The following DIAPH2 variants were observed in gnomAD, a reference collection of about 807,000 sequenced individuals.
The protein encoded by DIAPH2 is protein diaphanous homolog 2.
DIAPH2 carries 35 observed loss-of-function variants against 92.7 expected under a neutral mutation model. The observed-to-expected ratio is 0.38, with a 90% CI of 0.29 to 0.50. DIAPH2 has a LOEUF of 0.50. DIAPH2 is among the 20% of genes least tolerant of loss of function. The probability of loss-of-function intolerance (pLI) is 0.94; values close to 1 mark genes in which losing one functional copy is unlikely to be tolerated. For synonymous variants in DIAPH2, 301 were observed against 280.4 expected (o/e 1.07, Z -0.73); for missense variants, 701 against 819.5 (o/e 0.86, Z 1.77).
chrX:97,333,682 A>G (rs1469891792), intron 23 of DIAPH2, among the ~76,000 whole-genome samples: 2 of 109,830 alleles, frequency 1.8e-5, no homozygotes, highest in African/African-American at 6.6e-5. Flanking sequence ...CTCCTGCCTC[A>G]GCCTCCTGAG....
intron 4 of DIAPH2, among the ~76,000 whole-genome samples, chrX:96,852,544 G>A (rs1157890828): frequency 9.0e-6 from 1 of 111,713 alleles, no homozygotes; most frequent in African/African-American, 3.3e-5. Context: ...AGCACTCTCT[G>A]TTGAGAGAAA....
chrX:97,552,865 G>C (rs774681359), intron 26 of DIAPH2, among the ~76,000 whole-genome samples: 263 of 111,601 alleles, frequency 2.4e-3, no homozygotes, highest in Non-Finnish European at 4.4e-3. Context: ...AATTCTGGAG[G>C]CTAGAAGTCC....
chrX:97,192,473 A>G (rs1225899899), intron 22 of DIAPH2, among the ~76,000 whole-genome samples: 1 of 110,826 alleles, frequency 9.0e-6, no homozygotes, highest in Non-Finnish European at 1.9e-5. Context: ...GAGCCATAGA[A>G]TGTAAGAGCT....
At chrX:97,484,503 C>A (rs1169771051) in intron 26 of DIAPH2, among the ~76,000 whole-genome samples, 1 of 111,940 alleles carries the variant, frequency 8.9e-6, no homozygotes, top group Non-Finnish European at 1.9e-5. Context: ...GAAATAGGTT[C>A]TTTTCTATGG....
chrX:96,902,334 T>C (rs1465535184), intron 5 of DIAPH2, among the ~76,000 whole-genome samples: 1 of 112,054 alleles, frequency 8.9e-6, no homozygotes, highest in African/African-American at 3.2e-5. Context: ...CTATTGTTTC[T>C]TTGTTGACTT....
intron 22 of DIAPH2, among the ~76,000 whole-genome samples, chrX:97,213,347 A>G (rs2067856624): frequency 9.0e-6 from 1 of 111,612 alleles, no homozygotes; most frequent in Non-Finnish European, 1.9e-5. Flanking sequence ...TATGCTATTC[A>G]TCATAGCCTC....
chrX:96,852,675 A>G (rs746075041), intron 4 of DIAPH2, among the ~76,000 whole-genome samples: 2 of 111,442 alleles, frequency 1.8e-5, no homozygotes, highest in Non-Finnish European at 3.8e-5. Flanking sequence ...TCCAAAGCTT[A>G]GAGCTCTGAC....
At chrX:97,271,085 G>A (rs1362175346) in intron 23 of DIAPH2, among the ~76,000 whole-genome samples, 2 of 110,729 alleles carry the variant, frequency 1.8e-5, no homozygotes, top group Non-Finnish European at 3.8e-5. Context: ...ATTATTGCCT[G>A]CACTTATTTA....
In DIAPH2 at chrX:97,405,959, A is replaced by T. The variant is rs1401309786; in HGVS notation, c.3145+21915A>T. 2.7e-5 allele frequency among the ~76,000 whole-genome samples: 3 copies of T among 111,601 alleles called. No individual in the cohort carries two copies. The South Asian group carries it at 1.1e-3, about 42-fold the overall frequency. On this transcript the variant is annotated intron_variant, in intron 25 of 26. Coordinates refer to ENST00000324765, the MANE Select transcript of DIAPH2 (RefSeq NM_006729.5). ...TGTTGGCATTGAAAGAGAACTCTTA[A>T]ATAGGAAAACCCTCTCCCTGGGCAT...
At chrX:97,174,946 T>C (rs1381069741) in intron 22 of DIAPH2, among the ~76,000 whole-genome samples, 2 of 111,642 alleles carry the variant, frequency 1.8e-5, no homozygotes, top group Admixed American at 1.9e-4. Context: ...CGATATGCCA[T>C]GTCTGTGATA....
chrX:97,110,800 G>A (rs6523071), intron 20 of DIAPH2, among the ~76,000 whole-genome samples: 37,395 of 109,207 alleles, frequency 0.34, 5,755 homozygotes, highest in Non-Finnish European at 0.46. Context: ...TGGCTAACAC[G>A]GTGAAACCCC....
chrX:97,432,831 C>T (rs1262465123), intron 26 of DIAPH2, among the ~76,000 whole-genome samples: 1 of 111,501 alleles, frequency 9.0e-6, no homozygotes, highest in Non-Finnish European at 1.9e-5. Context: ...CCCTATTGCC[C>T]AGGCTGGTCT....
intron 4 of DIAPH2, among the ~76,000 whole-genome samples, chrX:96,868,474 A>G (rs1211174933): frequency 5.4e-5 from 6 of 112,071 alleles, no homozygotes; most frequent in African/African-American, 6.5e-5. Context: ...ATCCCCGAAC[A>G]TAGCATGTTG....
intron 1 of DIAPH2, among the ~76,000 whole-genome samples, chrX:96,690,633 G>A (rs184476125): frequency 1.8e-5 from 2 of 111,692 alleles, no homozygotes; most frequent in African/African-American, 6.5e-5. Context: ...TCCCTTTGGA[G>A]GAATATGCAT....
chrX:96,847,747 A>G (rs941561413), intron 4 of DIAPH2, among the ~76,000 whole-genome samples: 1 of 110,732 alleles, frequency 9.0e-6, no homozygotes, highest in Non-Finnish European at 1.9e-5. Context: ...TAAGCAGAGG[A>G]CCTGATAGGT....
chrX:97,266,388 T>C (rs1290594098), intron 23 of DIAPH2, among the ~76,000 whole-genome samples: 1 of 112,406 alleles, frequency 8.9e-6, no homozygotes, highest in Non-Finnish European at 1.9e-5. Context: ...ATTTTGTTTA[T>C]GGACTTTGAA....
chrX:97,059,018 C>A (rs1398684634), intron 17 of DIAPH2, among the ~76,000 whole-genome samples: 2 of 111,745 alleles, frequency 1.8e-5, no homozygotes, highest in Non-Finnish European at 3.8e-5. Flanking sequence ...TGACTTCGGT[C>A]TTAATGGATA....
intron 4 of DIAPH2, among the ~76,000 whole-genome samples, chrX:96,819,994 T>A (rs991009932): frequency 4.5e-5 from 5 of 112,040 alleles, no homozygotes; most frequent in African/African-American, 1.6e-4. Context: ...TGTCTCTTAT[T>A]GGCATCTCCT....
At chrX:97,338,389 TTAA>T (rs771784723) in intron 23 of DIAPH2, among the ~76,000 whole-genome samples, 26 of 112,419 alleles carry the variant, frequency 2.3e-4, no homozygotes, top group Admixed American at 2.8e-4. Context: ...CTTTGAAATG[TTAA>T]TAATTTCTAA....
Sources: gnomAD v4.1 joint callset for allele counts (sites outside exome capture counted in the v4.1 genomes callset) on GRCh38, gnomAD v4.1.1 for gene constraint, MANE v1.5 for transcripts, NCBI Gene and HGNC (gene_info 2026-07-23, HGNC 2026-07-21) for gene names.